Variants in EXOC6 observed in about 807,000 individuals in gnomAD.
The protein encoded by EXOC6 is exocyst complex component 6, also known as SEC15-like 1.
In EXOC6, 60 loss-of-function variants were observed where a neutral mutation model predicts 112.5. That is an observed-to-expected ratio of 0.53 (90% CI 0.43 to 0.66). EXOC6 has a LOEUF of 0.66. EXOC6 is among the 30% of genes least tolerant of loss of function. The pLI is 0.00. For synonymous variants in EXOC6, 295 were observed against 308.0 expected, an observed-to-expected ratio of 0.96 and a Z score of 0.44; for missense variants, 855 against 957.1, an observed-to-expected ratio of 0.89 and a Z score of 1.41.
In EXOC6 at chr10:92,954,612, A is replaced by G. The variant is rs756997958; in HGVS notation, c.1527-18A>G. On this transcript the variant is annotated intron_variant, in intron 15 of 21. Transcript: ENST00000260762. ...TTCATTATTTATTAAGTTTAATAAT[A>G]TCAATCTTTGTTTTTAGCTCAACAG... 1.4e-5 allele frequency: 18 copies of G among 1,263,866 alleles called. No individual in the cohort carries two copies. The East Asian group carries it at 3.5e-4, about 24-fold the overall frequency. 78.3% of individuals were successfully genotyped at this position (1,263,866 alleles called of 1,614,324 possible). A position where few individuals can be genotyped will look rare whatever the true frequency, so the allele number is the denominator to read the frequency against.
chr10:92,902,650 A>T (rs79167460), intron 5 of EXOC6, among the ~76,000 whole-genome samples: 1,619 of 152,184 alleles, frequency 0.011, 33 homozygotes, highest in African/African-American at 0.037. Flanking sequence ...CAAGTTTAAG[A>T]TGTTGAATGT....
intron 8 of EXOC6, among the ~76,000 whole-genome samples, chr10:92,920,673 A>G (rs1250998708): frequency 6.6e-6 from 1 of 152,192 alleles, no homozygotes; most frequent in East Asian, 1.9e-4. Context: ...TCTGTTATTG[A>G]AAGTAGAAGT....
At chr10:92,932,635 A>G (rs1852107444) in intron 9 of EXOC6, among the ~76,000 whole-genome samples, 2 of 152,174 alleles carry the variant, frequency 1.3e-5, no homozygotes, top group African/African-American at 4.8e-5. Context: ...GACAAAGAAG[A>G]GCAGAGTTGG....
intron 13 of EXOC6, among the ~76,000 whole-genome samples, chr10:92,942,370 G>A (rs937025435): frequency 2.0e-5 from 3 of 152,164 alleles, no homozygotes; most frequent in Non-Finnish European, 2.9e-5. Context: ...ACTCCAGCCT[G>A]CACAAAAGGG....
rs1373425304 is a variant in EXOC6, at chr10:92,854,133, A to G, written c.101+5499A>G. 2.0e-5 allele frequency among the ~76,000 whole-genome samples: 3 copies of G among 152,108 alleles called. No homozygotes were observed. In the East Asian group the frequency reaches 5.8e-4, roughly 29 times the overall value. On this transcript the variant is annotated intron_variant, in intron 1 of 21. Transcript: ENST00000260762. ...ATAAAGGAAGTGTTTGAGACTGAATAATAATAAAACAACTAAAAAAATGAG... is the reference window on the plus strand; with the variant it reads ...ATAAAGGAAGTGTTTGAGACTGAATGATAATAAAACAACTAAAAAAATGAG...
At chr10:92,959,877 G>A (rs1033158482) in intron 17 of EXOC6, among the ~76,000 whole-genome samples, 6 of 152,220 alleles carry the variant, frequency 3.9e-5, no homozygotes, top group Non-Finnish European at 4.4e-5. Flanking sequence ...TGACAGGGAT[G>A]TGGAGCAACA....
chr10:92,931,872 G>A (rs572359588), intron 9 of EXOC6, among the ~76,000 whole-genome samples: 10 of 152,128 alleles, frequency 6.6e-5, no homozygotes, highest in African/African-American at 2.2e-4. Flanking sequence ...TTGGAAAATG[G>A]TTTGGCAATT....
chr10:92,940,763 T>C lies in EXOC6; in HGVS notation c.1249T>C (p.Leu417=). 6.2e-7 allele frequency: 1 copy of C among 1,612,042 alleles called. No homozygotes were observed. Among genetic ancestry groups the C allele is most frequent in the Admixed American group, 1.7e-5 (1 of 59,822 alleles). The change falls in exon 13 of 22, where the codon TTA becomes CTA. Residue 417 remains leucine, a synonymous_variant. Transcript: ENST00000260762. ...GFPVNRLFDL[L]FEIRDQYNET... ...TCCAGTGAACCGACTTTTTGACCTT[T>C]TATTTGAAATAAGAGACCAATACAA... is the stretch of plus-strand genomic sequence containing the variant.
intron 1 of EXOC6, among the ~76,000 whole-genome samples, chr10:92,868,298 T>A (rs61860829): frequency 0.018 from 2,674 of 152,216 alleles, 117 homozygotes; most frequent in Non-Finnish European, 0.016. Flanking sequence ...CCAGCTATCC[T>A]AGTACCTCTT....
At chr10:92,910,980 A>ACGTTTTGGGGTATATATGGAGTGAG (rs1850724797) in intron 6 of EXOC6, among the ~76,000 whole-genome samples, 1 of 152,230 alleles carries the variant, frequency 6.6e-6, no homozygotes, top group African/African-American at 2.4e-5. Context: ...AAAGGTATAG[A>ACGTTTTGGGGTATATATGGAGTGAG]TGGAACAAGA....
upstream of EXOC6, among the ~76,000 whole-genome samples, chr10:92,830,636 T>C (rs1200185990): frequency 6.6e-6 from 1 of 152,118 alleles, no homozygotes; most frequent in Admixed American, 6.5e-5. Context: ...CCCTGGCCCA[T>C]TCTCACTAGA....
At chr10:92,953,582 C>T (rs1169471504) in intron 15 of EXOC6, among the ~76,000 whole-genome samples, 4 of 152,018 alleles carry the variant, frequency 2.6e-5, no homozygotes, top group Non-Finnish European at 5.9e-5. Context: ...GGATAGAGGC[C>T]AAACATCCAA....
intron 20 of EXOC6, among the ~76,000 whole-genome samples, chr10:93,014,836 T>A (rs1844425883): frequency 6.6e-6 from 1 of 152,226 alleles, no homozygotes; most frequent in Non-Finnish European, 1.5e-5. Flanking sequence ...ATTTAAAAAC[T>A]CTATTCATTT....
intron 20 of EXOC6, among the ~76,000 whole-genome samples, chr10:93,028,623 T>C (rs1027251655): frequency 6.6e-6 from 1 of 152,010 alleles, no homozygotes; most frequent in Non-Finnish European, 1.5e-5. Flanking sequence ...TCACCTGAGG[T>C]CGGGAGATCA....
chr10:92,958,462 C>G (rs1472181512), intron 17 of EXOC6, among the ~76,000 whole-genome samples: 1 of 152,186 alleles, frequency 6.6e-6, no homozygotes, highest in Non-Finnish European at 1.5e-5. Context: ...AAATGCACTT[C>G]TGATTCTTTT....
intron 6 of EXOC6, among the ~76,000 whole-genome samples, chr10:92,910,506 A>T (rs1282539396): frequency 6.6e-6 from 1 of 152,174 alleles, no homozygotes; most frequent in East Asian, 1.9e-4. Context: ...TTCTGGGGAG[A>T]TGGAAATGTT....
At chr10:92,997,939 G>A (rs1203209140) in intron 19 of EXOC6, among the ~76,000 whole-genome samples, 1 of 152,158 alleles carries the variant, frequency 6.6e-6, no homozygotes, top group East Asian at 1.9e-4. Context: ...ATAAATGAAT[G>A]AAATGATTCT....
Position 93,058,273 on chromosome 10 carries a change from A to G in EXOC6, c.2333A>G (p.Asn778Ser). 2 of 1,611,588 alleles carry G rather than the reference A, an allele frequency of 1.2e-6. No homozygotes were observed. Among genetic ancestry groups the G allele is most frequent in the East Asian group, 2.2e-5 (1 of 44,724 alleles). The change falls in exon 22 of 22, where the codon AAT (asparagine) becomes AGT (serine). Residue 778 changes from asparagine to serine, a missense_variant. Asn to Ser is a conservative substitution (Grantham distance 46, BLOSUM62 1). Coordinates refer to ENST00000260762, the MANE Select transcript of EXOC6 (RefSeq NM_019053.6). ...AATATATTTGCTCAGTTCAGGAAGA[A>G]TGATCGAGACAAACAGAAGTTGATA... ...KNNIFAQFRK[N>S]DRDKQKLIET... is the part of the protein sequence containing the mutation.
chr10:92,962,464 A>G (rs1413729019), intron 17 of EXOC6, among the ~76,000 whole-genome samples: 1 of 152,002 alleles, frequency 6.6e-6, no homozygotes, highest in Non-Finnish European at 1.5e-5. Flanking sequence ...ATCCTGGCTT[A>G]CTGCAGCCTC....
Sources: gnomAD v4.1 joint callset for allele counts (sites outside exome capture counted in the v4.1 genomes callset) on GRCh38, gnomAD v4.1.1 for gene constraint, MANE v1.5 for transcripts, NCBI Gene and HGNC (gene_info 2026-07-23, HGNC 2026-07-21) for gene names.